RET: variants seen among roughly 807,000 people sequenced by gnomAD.
The protein encoded by RET is ret proto-oncogene, also known as proto-oncogene tyrosine-protein kinase receptor Ret.
In RET, 19 loss-of-function variants were observed where a neutral mutation model predicts 118.3. The ratio of observed to expected loss-of-function variants is 0.16; its 90% CI spans 0.11 to 0.24. RET has a LOEUF of 0.24. Ranked by LOEUF, RET falls within the 10% of genes least tolerant of loss-of-function variation. The pLI, the probability that RET is intolerant of heterozygous loss-of-function variation, is 1.00. For missense variants in RET, 1,219 were observed against 1,502.1 expected, an observed-to-expected ratio of 0.81 and a Z score of 3.12; for synonymous variants, 597 against 644.1, an observed-to-expected ratio of 0.93 and a Z score of 1.11.
In RET at chr10:43,110,210, C is replaced by T. The variant is rs116229439; in HGVS notation, c.1263+980C>T. On this transcript the variant is annotated intron_variant, in intron 6 of 19. Coordinates refer to ENST00000355710, the MANE Select transcript of RET (RefSeq NM_020975.6). The stretch of plus-strand genomic sequence containing the variant: ...AGCAGGCATTGCTGAAGTTGGGTCA[C>T]CTGCCCTCTGTCAGGAGCAACGGGG... Among the ~76,000 whole-genome samples, 326 of 152,316 alleles carry T rather than the reference C, an allele frequency of 2.1e-3. 2 individuals carry two copies. The highest frequency in any genetic ancestry group is 7.1e-3 in the African/African-American group (295 of 41,576).
chr10:43,087,427 C>T (rs755704345), intron 1 of RET, among the ~76,000 whole-genome samples: 1 of 152,214 alleles, frequency 6.6e-6, no homozygotes, highest in Non-Finnish European at 1.5e-5. Context: ...GAAGGAGCTG[C>T]CCTTGGTGTT....
At chr10:43,102,681 T>TG (rs759851899) in intron 3 of RET, 52 bp downstream of exon 3, 1 of 1,607,250 alleles carries the variant, frequency 6.2e-7, no homozygotes, top group Admixed American at 1.7e-5. Flanking sequence ...CTGCTGGTCT[T>TG]GCTCTGCGAG....
chr10:43,124,197 G>T (rs1838281714), intron 17 of RET, among the ~76,000 whole-genome samples: 1 of 152,132 alleles, frequency 6.6e-6, no homozygotes, highest in Non-Finnish European at 1.5e-5. Context: ...CAACCTGAGA[G>T]GTTGAAACCT....
rs1837059138 is a variant in RET, at chr10:43,077,124, C to G, written c.-135C>G. On this transcript the variant is annotated 5_prime_UTR_variant, in exon 1 of 20. Coordinates refer to ENST00000355710, the MANE Select transcript of RET (RefSeq NM_020975.6). ...GCGCTGAGTGCCCCGGAACGTGCGTCGCGCCCCCAGTGTCCGTCGCGTCCG... is the reference window on the plus strand; with the variant it reads ...GCGCTGAGTGCCCCGGAACGTGCGTGGCGCCCCCAGTGTCCGTCGCGTCCG... 2 of 1,228,504 alleles carry G rather than the reference C, an allele frequency of 1.6e-6. No homozygotes were observed. The highest frequency in any genetic ancestry group is 6.0e-4 in the Middle Eastern group (2 of 3,312). The allele number at this position is 1,228,504 out of a possible 1,614,324, so 76.1% of individuals were successfully genotyped here. A position where few individuals can be genotyped will look rare whatever the true frequency, so the allele number is the denominator to read the frequency against.
chr10:43,085,948 G>A (rs1837279815), intron 1 of RET, among the ~76,000 whole-genome samples: 1 of 152,318 alleles, frequency 6.6e-6, no homozygotes, highest in East Asian at 1.9e-4. Context: ...TGTCTCAGAG[G>A]CTCCTGGCTC....
chr10:43,093,766 A>T (rs1462126914), intron 1 of RET, among the ~76,000 whole-genome samples: 2 of 150,580 alleles, frequency 1.3e-5, no homozygotes, highest in Non-Finnish European at 2.9e-5. Context: ...TGAGGCTGAA[A>T]GACGGGAGCC....
chr10:43,091,146 A>G (rs1837402078), intron 1 of RET, among the ~76,000 whole-genome samples: 1 of 152,156 alleles, frequency 6.6e-6, no homozygotes, highest in Non-Finnish European at 1.5e-5. Context: ...CAGCCGAAGA[A>G]AGAATGGATG....
chr10:43,122,110 G>GT, intron 16 of RET, 94 bp downstream of exon 16: 5 of 999,204 alleles, frequency 5.0e-6, no homozygotes, highest in South Asian at 1.3e-5. Flanking sequence ...AGCTTGGCCA[G>GT]GGAATTGCAC....
At chr10:43,084,656 G>T (rs1837252569) in intron 1 of RET, among the ~76,000 whole-genome samples, 1 of 152,210 alleles carries the variant, frequency 6.6e-6, no homozygotes, top group Admixed American at 6.5e-5. Context: ...TGAGCCCCAG[G>T]TCCCTTGTGA....
chr10:43,104,808 C>T (rs2132700680), intron 3 of RET, 144 bp from the exon 4 acceptor site: 1 of 1,272,402 alleles, frequency 7.9e-7, no homozygotes, highest in South Asian at 1.4e-5. Flanking sequence ...CGAGCGCTGC[C>T]CTCCCCTGTG....
Position 43,112,143 on chromosome 10 carries a change from A to C in RET, c.1567A>C (p.Lys523Gln), listed in dbSNP as rs766278774. 5.0e-6 allele frequency: 8 copies of C among 1,598,294 alleles called. No homozygotes were observed. The highest frequency in any genetic ancestry group is 4.3e-6 in the Non-Finnish European group (5 of 1,172,378). The change falls in exon 8 of 20, where the codon AAG becomes CAG. Residue 523 changes from lysine to glutamine, a missense_variant. Transcript: ENST00000355710. Reference protein sequence around the residue: ...AGCPLSCAVSKRRLECEECGG... With the variant: ...AGCPLSCAVSQRRLECEECGG... ...CTGCCCCCTGTCCTGTGCAGTCAGC[A>C]AGAGACGGCTGGAGTGTGAGGAGTG...
At chr10:43,113,010 G>T (rs760428117) in intron 9 of RET, 47 bp downstream of exon 9, 2 of 1,508,488 alleles carry the variant, frequency 1.3e-6, no homozygotes, top group African/African-American at 1.4e-5. Flanking sequence ...GAGATAGTAG[G>T]GGAAACCTGG....
In RET at chr10:43,102,545, C is replaced by G; in HGVS notation, c.541C>G (p.Pro181Ala). The G allele has an allele frequency of 6.2e-7, 1 of 1,614,216 alleles. No individual in the cohort carries two copies. The stretch of plus-strand genomic sequence containing the variant: ...CTCCTTCCGCATTCGGGAGAACCGA[C>G]CCCCAGGCACCTTCCACCAGTTCCG... ...RPSFRIRENR[P>A]PGTFHQFRLL... The change falls in exon 3 of 20, where the codon CCC becomes GCC. Residue 181 changes from proline (P) to alanine (A), a missense_variant. Pro to Ala is a conservative substitution (Grantham distance 27). This residue lies in a region of RET where 850 missense variants were observed against 969.6 expected (regional missense o/e 0.88). Coordinates refer to ENST00000355710, the MANE Select transcript of RET (RefSeq NM_020975.6).
intron 1 of RET, among the ~76,000 whole-genome samples, chr10:43,091,310 A>G (rs1340175806): frequency 6.6e-6 from 1 of 152,138 alleles, no homozygotes; most frequent in Non-Finnish European, 1.5e-5. Flanking sequence ...ACTCAACAAC[A>G]GCAACAAAAA....
At chr10:43,111,710 G>A (rs1837937197) in intron 7 of RET, among the ~76,000 whole-genome samples, 1 of 152,244 alleles carries the variant, frequency 6.6e-6, no homozygotes, top group Non-Finnish European at 1.5e-5. Flanking sequence ...TGTGTTCCAT[G>A]CAACTTTTGC....
At chr10:43,084,150 C>T (rs955503309) in intron 1 of RET, among the ~76,000 whole-genome samples, 2 of 152,214 alleles carry the variant, frequency 1.3e-5, no homozygotes, top group African/African-American at 2.4e-5. Context: ...GTGCTTTCCA[C>T]CTTTTGGCAG....
intron 1 of RET, among the ~76,000 whole-genome samples, chr10:43,098,235 C>G (rs1837562787): frequency 1.3e-5 from 2 of 152,190 alleles, no homozygotes; most frequent in African/African-American, 4.8e-5. Flanking sequence ...CAAACACTAA[C>G]TCCCCATCCT....
At chr10:43,111,560 C>A in intron 7 of RET, 95 bp downstream of exon 7, 1 of 1,399,554 alleles carries the variant, frequency 7.1e-7, no homozygotes, top group Non-Finnish European at 9.6e-7. Flanking sequence ...AGCTGCAAGG[C>A]TTAGCTGGGG....
At chr10:43,084,487 T>C (rs1837249153) in intron 1 of RET, among the ~76,000 whole-genome samples, 1 of 152,252 alleles carries the variant, frequency 6.6e-6, no homozygotes, top group African/African-American at 2.4e-5. Flanking sequence ...TTCCTGTGCA[T>C]GCTGGCCAGT....
Sources: gnomAD v4.1 joint callset for allele counts (sites outside exome capture counted in the v4.1 genomes callset) on GRCh38, gnomAD v4.1.1 for gene constraint, gnomAD v4.1.1 regional missense constraint, MANE v1.5 for transcripts, NCBI Gene and HGNC (gene_info 2026-07-23, HGNC 2026-07-21) for gene names.